HHAT: variants seen among roughly 807,000 people sequenced by gnomAD.
HHAT encodes the protein hedgehog acyltransferase.
HHAT carries 47 observed loss-of-function variants against 70.8 expected under a neutral mutation model. That is an observed-to-expected ratio of 0.66 (90% CI 0.53 to 0.85). The LOEUF (loss-of-function observed/expected upper bound fraction) is 0.85, where lower values mean the gene tolerates loss of function less well. Among genes scored for constraint, HHAT ranks in the 40% least tolerant of loss-of-function variants. The pLI is 0.00. For synonymous variants in HHAT, 228 were observed against 247.6 expected, an observed-to-expected ratio of 0.92 and a Z score of 0.74; for missense variants, 609 against 604.8, an observed-to-expected ratio of 1.01 and a Z score of -0.07.
chr1:210,665,276 T>G lies in HHAT; in HGVS notation c.1391-9012T>G, dbSNP rs1343234490. On this transcript the variant is annotated intron_variant, in intron 11 of 11. Coordinates refer to ENST00000261458, the MANE Select transcript of HHAT (RefSeq NM_018194.6). ...GTTCCAACCTAATATATCCTTCACA[T>G]TTGCAGACGTAGGCTTTGACCAAGA... Among the ~76,000 whole-genome samples the G allele has an allele frequency of 5.9e-5, 9 of 152,236 alleles. No individual in the cohort carries two copies. The East Asian group carries it at 1.7e-3, about 29-fold the overall frequency.
chr1:210,385,516 C>T (rs538268664), intron 3 of HHAT, among the ~76,000 whole-genome samples: 12 of 152,136 alleles, frequency 7.9e-5, no homozygotes, highest in Non-Finnish European at 1.3e-4. Context: ...TGTTTGTGGG[C>T]ATGTCCCAGA....
Position 210,329,031 on chromosome 1 carries a change from T to G in HHAT, c.-117T>G. ...CGCCGATGTCGCTGGGACTCGGAAGTGCCGAAAGAGGGGTGTTGGGAACTC... is the reference window on the plus strand; with the variant it reads ...CGCCGATGTCGCTGGGACTCGGAAGGGCCGAAAGAGGGGTGTTGGGAACTC... On this transcript the variant is annotated 5_prime_UTR_variant, in exon 1 of 12. Coordinates refer to ENST00000261458, the MANE Select transcript of HHAT (RefSeq NM_018194.6). 1 of 1,423,028 alleles carries G rather than the reference T, an allele frequency of 7.0e-7. No homozygotes were observed. Among genetic ancestry groups the G allele is most frequent in the Non-Finnish European group, 9.2e-7 (1 of 1,089,752 alleles). 88.2% of individuals were successfully genotyped at this position (1,423,028 alleles called of 1,614,324 possible). A position where few individuals can be genotyped will look rare whatever the true frequency, so the allele number is the denominator to read the frequency against.
At chr1:210,557,226 C>T (rs548366510) in intron 9 of HHAT, among the ~76,000 whole-genome samples, 1 of 152,334 alleles carries the variant, frequency 6.6e-6, no homozygotes, top group Non-Finnish European at 1.5e-5. Flanking sequence ...ACTTGCTAAA[C>T]TGCTGGATAT....
At chr1:210,436,802 A>G (rs2093387469) in intron 7 of HHAT, among the ~76,000 whole-genome samples, 1 of 151,822 alleles carries the variant, frequency 6.6e-6, no homozygotes, top group African/African-American at 2.4e-5. Flanking sequence ...TCCCTTTGGC[A>G]GTAAGGGTTA....
At position 210,400,677 on chromosome 1, in the gene HHAT, G is replaced by T. The variant is rs1232298409; in HGVS notation, c.468+15G>T. On this transcript the variant is annotated intron_variant, in intron 5 of 11. Transcript: ENST00000261458. ...AAGAAGTTAAGGTAAGTGTTTTCCT[G>T]TTACCATTGGGAATCCAGAGAAGGC... The T allele has an allele frequency of 1.2e-6, 2 of 1,603,758 alleles. No homozygotes were observed. The highest frequency in any genetic ancestry group is 2.7e-5 in the African/African-American group (2 of 74,648).
At chr1:210,577,113 T>C (rs965834504) in intron 9 of HHAT, among the ~76,000 whole-genome samples, 1 of 151,946 alleles carries the variant, frequency 6.6e-6, no homozygotes, top group African/African-American at 2.4e-5. Context: ...ACGTATAAGA[T>C]CATGTCATCT....
chr1:210,565,503 A>G (rs867205752), intron 9 of HHAT, among the ~76,000 whole-genome samples: 1 of 152,336 alleles, frequency 6.6e-6, no homozygotes, highest in Middle Eastern at 3.4e-3. Context: ...TCTGTTCTTC[A>G]TTATTCCTGT....
At chr1:210,545,634 A>T (rs986365616) in intron 9 of HHAT, among the ~76,000 whole-genome samples, 3 of 151,814 alleles carry the variant, frequency 2.0e-5, no homozygotes, top group Non-Finnish European at 4.4e-5. Flanking sequence ...ATGGGGTTTC[A>T]CCACATTGTC....
chr1:210,585,835 T>C (rs983041582), intron 9 of HHAT, among the ~76,000 whole-genome samples: 6 of 152,184 alleles, frequency 3.9e-5, no homozygotes, highest in African/African-American at 1.2e-4. Context: ...GGATTCTGGC[T>C]AAACAGACCT....
intron 7 of HHAT, among the ~76,000 whole-genome samples, chr1:210,443,399 G>T (rs911385838): frequency 4.5e-4 from 68 of 149,642 alleles, no homozygotes; most frequent in African/African-American, 1.6e-3. Context: ...TTGGTAGCTT[G>T]ATGGGGATGG....
At chr1:210,579,344 C>T (rs1573476729) in intron 9 of HHAT, among the ~76,000 whole-genome samples, 1 of 151,294 alleles carries the variant, frequency 6.6e-6, no homozygotes, top group Admixed American at 6.6e-5. Flanking sequence ...TGCCAGGTGC[C>T]GGGGGTGAGA....
At chr1:210,570,427 T>G (rs1267400069) in intron 9 of HHAT, among the ~76,000 whole-genome samples, 1 of 152,082 alleles carries the variant, frequency 6.6e-6, no homozygotes, top group Non-Finnish European at 1.5e-5. Flanking sequence ...GTGTTGGGCA[T>G]GACAATGTAC....
intron 6 of HHAT, among the ~76,000 whole-genome samples, chr1:210,412,108 G>A (rs921353993): frequency 3.3e-5 from 5 of 152,068 alleles, no homozygotes; most frequent in Admixed American, 6.6e-5. Flanking sequence ...ACTCTTTGGC[G>A]TCTCTTTTAT....
intron 4 of HHAT, among the ~76,000 whole-genome samples, chr1:210,398,560 C>T (rs1237255269): frequency 6.6e-6 from 1 of 152,184 alleles, no homozygotes; most frequent in African/African-American, 2.4e-5. Flanking sequence ...CTTCTTTCAG[C>T]ATTTTCCAAG....
At chr1:210,519,527 C>CTTTT (rs35244381) in intron 9 of HHAT, among the ~76,000 whole-genome samples, 5 of 127,480 alleles carry the variant, frequency 3.9e-5, no homozygotes, top group African/African-American at 5.7e-5. Flanking sequence ...ATTTTCTTTG[C>CTTTT]TTTTTTTTTT....
At chr1:210,472,483 G>A (rs575018955) in intron 8 of HHAT, among the ~76,000 whole-genome samples, 7 of 152,222 alleles carry the variant, frequency 4.6e-5, no homozygotes, top group South Asian at 2.1e-4. Context: ...TTTCTCCTTC[G>A]TGATCTGGAG....
At chr1:210,431,926 T>A (rs1160453735) in intron 7 of HHAT, among the ~76,000 whole-genome samples, 1 of 151,870 alleles carries the variant, frequency 6.6e-6, no homozygotes, top group Non-Finnish European at 1.5e-5. Context: ...AAGATTTAAA[T>A]GTTATAATTG....
At chr1:210,554,080 G>C (rs1373056190) in intron 9 of HHAT, among the ~76,000 whole-genome samples, 1 of 152,132 alleles carries the variant, frequency 6.6e-6, no homozygotes, top group Non-Finnish European at 1.5e-5. Context: ...GCTAGGTTAT[G>C]AACACTGCAT....
Position 210,519,826 on chromosome 1 carries a change from CT to C in HHAT, c.1043+6654del, listed in dbSNP as rs561537666. ...TAAAGGTGTGAGCCACCACACTTGG[CT>C]TTTTTTTTTTTTTTTGTCTTTTTGG... On this transcript the variant is annotated intron_variant, in intron 9 of 11. Coordinates refer to ENST00000261458, the MANE Select transcript of HHAT (RefSeq NM_018194.6). Among the ~76,000 whole-genome samples, 408 of 127,242 alleles carry C rather than the reference CT, an allele frequency of 3.2e-3. 2 individuals carry two copies. Among genetic ancestry groups the C allele is most frequent in the Non-Finnish European group, 4.0e-3 (241 of 60,662 alleles). The allele number at this position is 127,242 out of a possible 152,430, so 83.5% of individuals were successfully genotyped here.
Sources: allele counts gnomAD v4.1 joint callset (sites outside exome capture counted in the v4.1 genomes callset), GRCh38; gene constraint gnomAD v4.1.1; transcripts MANE v1.5; gene names NCBI Gene and HGNC (gene_info 2026-07-23, HGNC 2026-07-21).